The following SLC25A18 variants were observed in gnomAD, a reference collection of about 807,000 sequenced individuals.
SLC25A18 encodes the protein mitochondrial glutamate carrier 2.
A neutral mutation model predicts 31.1 loss-of-function variants in SLC25A18; 24 were observed. The observed-to-expected ratio is 0.77, with a 90% CI of 0.56 to 1.08. The LOEUF is 1.08. SLC25A18 is among the 50% of genes least tolerant of loss of function. The probability of loss-of-function intolerance (pLI) is 0.00; values close to 1 mark genes in which losing one functional copy is unlikely to be tolerated. For synonymous variants in SLC25A18, 173 were observed against 161.9 expected (o/e 1.07, Z -0.52); for missense variants, 371 against 418.5 (o/e 0.89, Z 0.99).
chr22:17,564,834 G>A (rs2056891241), intron 1 of SLC25A18, among the ~76,000 whole-genome samples: 1 of 129,360 alleles, frequency 7.7e-6, no homozygotes, highest in Non-Finnish European at 1.6e-5. Flanking sequence ...TCCAGCCTGG[G>A]GGACAGAGCA....
At chr22:17,575,105 G>T (rs2057200212) in intron 2 of SLC25A18, among the ~76,000 whole-genome samples, 1 of 151,964 alleles carries the variant, frequency 6.6e-6, no homozygotes, top group South Asian at 2.1e-4. Flanking sequence ...ACCTGCCTCG[G>T]CCTCCCACAG....
Position 17,590,428 on chromosome 22 carries a change from C to T in SLC25A18, c.*192C>T. 1.6e-6 allele frequency: 1 copy of T among 612,614 alleles called. No individual in the cohort carries two copies. The highest frequency in any genetic ancestry group is 2.7e-6 in the Non-Finnish European group (1 of 376,190). The allele number at this position is 612,614 out of a possible 1,614,324, so 37.9% of individuals were successfully genotyped here. A position where few individuals can be genotyped will look rare whatever the true frequency, so the allele number is the denominator to read the frequency against. On this transcript the variant is annotated 3_prime_UTR_variant, in exon 11 of 11. Coordinates refer to ENST00000327451, the MANE Select transcript of SLC25A18 (RefSeq NM_031481.3). ...ACAGCCTTCTTCCCCTTCGTGTCTA[C>T]ACTCGTTTTCCTTTGTGGGCACAGC... is the stretch of plus-strand genomic sequence containing the variant.
rs201055223 is a variant in SLC25A18 at position 17,587,995 on chromosome 22, G to A, written c.646G>A (p.Ala216Thr). Reference protein sequence around the residue: ...NLNNLGFNELAGKASFAHSFV... With the variant: ...NLNNLGFNELTGKASFAHSFV... ...TAACAACCTGGGGTTCAACGAGCTC[G>A]CCGGTAAGGCGTCCTTTGCACATTC... The change falls in exon 9 of 11, where the codon GCC becomes ACC. Residue 216 changes from alanine to threonine, a missense_variant. By Grantham distance (58) the Ala-to-Thr change is moderately conservative (BLOSUM62 0). Coordinates refer to ENST00000327451, the MANE Select transcript of SLC25A18 (RefSeq NM_031481.3). The A allele has an allele frequency of 4.4e-4, 709 of 1,614,058 alleles. No homozygotes were observed. The highest frequency in any genetic ancestry group is 5.6e-4 in the Non-Finnish European group (663 of 1,180,040).
chr22:17,583,480 G>A lies in SLC25A18; in HGVS notation c.355G>A (p.Val119Met). The A allele has an allele frequency of 6.2e-7, 1 of 1,614,060 alleles. No individual in the cohort carries two copies. Among genetic ancestry groups the A allele is most frequent in the South Asian group, 1.1e-5 (1 of 91,080 alleles). ...TGGGGCTGGGATGTGCCAGGTCGTGGTGACCTGTCCCATGGAAATGCTCAA... is the reference window on the plus strand; with the variant it reads ...TGGGGCTGGGATGTGCCAGGTCGTGATGACCTGTCCCATGGAAATGCTCAA... ...GCGAGMCQVV[V>M]TCPMEMLKIQ... is the part of the protein sequence containing the mutation. Residue 119 changes from valine to methionine, a missense_variant, in exon 7 of 11, where the codon GTG (valine) becomes ATG (methionine). Physicochemically the swap from Val to Met is conservative, Grantham distance 21. Transcript: ENST00000327451.
intron 2 of SLC25A18, among the ~76,000 whole-genome samples, chr22:17,573,264 A>T (rs2057145466): frequency 6.6e-6 from 1 of 152,174 alleles, no homozygotes; most frequent in South Asian, 2.1e-4. Flanking sequence ...GCCACAGGTT[A>T]GTTCTGGTGG....
intron 2 of SLC25A18, chr22:17,570,373 AGC>A (rs1036611781): frequency 2.0e-5 from 3 of 152,278 alleles, no homozygotes; most frequent in African/African-American, 7.2e-5. Flanking sequence ...TCTACAGTGG[AGC>A]CAGCAGTCTC....
chr22:17,587,746 A>C, intron 8 of SLC25A18, 179 bp from the exon 9 acceptor site: 4 of 695,764 alleles, frequency 5.7e-6, no homozygotes, highest in Middle Eastern at 3.9e-4. Context: ...AACAGATGGC[A>C]ACAGCTCTTT....
At chr22:17,588,624 TG>T (rs2057621657) in intron 9 of SLC25A18, 1 of 152,782 alleles carries the variant, frequency 6.5e-6, no homozygotes, top group African/African-American at 2.4e-5. Flanking sequence ...CACTCCAGCC[TG>T]GGCGACAGCA....
chr22:17,584,449 G>A (rs568125154), intron 7 of SLC25A18, among the ~76,000 whole-genome samples: 1,409 of 99,436 alleles, frequency 0.014, 20 homozygotes, highest in African/African-American at 0.059. Flanking sequence ...GAAGGAAGGA[G>A]AGAGAGAGAG....
Position 17,579,760 on chromosome 22 carries a change from C to A in SLC25A18, c.-185C>A. 1 of 1,404,898 alleles carries A rather than the reference C, an allele frequency of 7.1e-7. No individual in the cohort carries two copies. The highest frequency in any genetic ancestry group is 9.3e-7 in the Non-Finnish European group (1 of 1,080,644). The allele number at this position is 1,404,898 out of a possible 1,614,324, so 87.0% of individuals were successfully genotyped here. A position where few individuals can be genotyped will look rare whatever the true frequency, so the allele number is the denominator to read the frequency against. ...TACTTTGCAGGGGAGGAAGCCGCAGCCCAAGGAGGTCGTCACTTGCCGGGA... is the reference window on the plus strand; with the variant it reads ...TACTTTGCAGGGGAGGAAGCCGCAGACCAAGGAGGTCGTCACTTGCCGGGA... On this transcript the variant is annotated 5_prime_UTR_variant, in exon 3 of 11. Coordinates refer to ENST00000327451, the MANE Select transcript of SLC25A18 (RefSeq NM_031481.3).
chr22:17,574,803 G>A (rs1185096743), intron 2 of SLC25A18, among the ~76,000 whole-genome samples: 1 of 130,356 alleles, frequency 7.7e-6, no homozygotes, highest in African/African-American at 2.9e-5. Flanking sequence ...TCACAGGCGT[G>A]AGCCACTGTG....
intron 7 of SLC25A18, 65 bp from the exon 8 acceptor site, chr22:17,587,071 C>CA: frequency 1.3e-6 from 2 of 1,563,930 alleles, no homozygotes; most frequent in African/African-American, 2.7e-5. Flanking sequence ...TTGAGAGCCA[C>CA]ACTCAGGAGT....
At chr22:17,565,069 TTTTTG>T (rs535176571) in intron 1 of SLC25A18, among the ~76,000 whole-genome samples, 39 of 151,836 alleles carry the variant, frequency 2.6e-4, no homozygotes, top group East Asian at 7.8e-4. Flanking sequence ...ACTCATTCTG[TTTTTG>T]TTTTGTTTTG....
chr22:17,566,709 G>A (rs1407572000), intron 1 of SLC25A18, among the ~76,000 whole-genome samples: 2 of 152,112 alleles, frequency 1.3e-5, no homozygotes, highest in Non-Finnish European at 2.9e-5. Flanking sequence ...ACCGTGCCTG[G>A]CCCAGCCTGT....
rs111385800 is a variant in SLC25A18, at chr22:17,590,415, C to T, written c.*179C>T. ...TAACAAGTTGAGCACAGCCTTCTTC[C>T]CCTTCGTGTCTACACTCGTTTTCCT... On this transcript the variant is annotated 3_prime_UTR_variant, in exon 11 of 11. Coordinates refer to ENST00000327451, the MANE Select transcript of SLC25A18 (RefSeq NM_031481.3). The T allele has an allele frequency of 3.8e-3, 2,572 of 670,968 alleles. 61 individuals are homozygous for T. In the African/African-American group the frequency reaches 0.041, roughly 11 times the overall value. The allele number at this position is 670,968 out of a possible 1,614,324, so 41.6% of individuals were successfully genotyped here. A position where few individuals can be genotyped will look rare whatever the true frequency, so the allele number is the denominator to read the frequency against.
intron 2 of SLC25A18, among the ~76,000 whole-genome samples, chr22:17,573,510 G>A (rs1360335086): frequency 6.6e-6 from 1 of 152,184 alleles, no homozygotes; most frequent in African/African-American, 2.4e-5. Flanking sequence ...GGCACCTGGG[G>A]GCTGGAGGAC....
In SLC25A18 at chr22:17,587,374, T is replaced by C; in HGVS notation, c.575+73T>C. Reference sequence around the variant, plus strand: ...CGAGGGCCAGAGAGCTGGTTGTCCCTATCTGCCTCTGTGTCCTTCCCAGAA... The same window carrying C: ...CGAGGGCCAGAGAGCTGGTTGTCCCCATCTGCCTCTGTGTCCTTCCCAGAA... On this transcript the variant is annotated intron_variant, in intron 8 of 10. Coordinates refer to ENST00000327451, the MANE Select transcript of SLC25A18 (RefSeq NM_031481.3). The C allele has an allele frequency of 2.0e-6, 3 of 1,503,740 alleles. No homozygotes were observed. In the South Asian group the frequency reaches 3.8e-5, roughly 19 times the overall value. 93.1% of individuals were successfully genotyped at this position (1,503,740 alleles called of 1,614,324 possible). A position where few individuals can be genotyped will look rare whatever the true frequency, so the allele number is the denominator to read the frequency against.
intron 2 of SLC25A18, among the ~76,000 whole-genome samples, chr22:17,570,734 C>T (rs780916546): frequency 2.0e-5 from 3 of 152,202 alleles, no homozygotes; most frequent in Non-Finnish European, 4.4e-5. Flanking sequence ...GATCTGCCCG[C>T]CTTGGCCTCC....
In SLC25A18 at chr22:17,589,602, G is replaced by A. The variant is rs757481829; in HGVS notation, c.743G>A (p.Arg248Gln). 11 of 1,613,916 alleles carry A rather than the reference G, an allele frequency of 6.8e-6. No individual in the cohort carries two copies. The highest frequency in any genetic ancestry group is 3.3e-4 in the Middle Eastern group (2 of 6,084). ...TTACTTGATTTAGTTCTGAAAACTC[G>A]AATCCAAACCCTCAAGAAAGGCCTG... is the stretch of plus-strand genomic sequence containing the variant. ...AVTPLDVLKTRIQTLKKGLGE... is the reference protein window; with the variant it reads ...AVTPLDVLKTQIQTLKKGLGE... Residue 248 changes from arginine (R) to glutamine (Q), a missense_variant, in exon 10 of 11, where the codon CGA becomes CAA. Physicochemically the swap from Arg to Gln is conservative, Grantham distance 43 (BLOSUM62 1). Coordinates refer to ENST00000327451, the MANE Select transcript of SLC25A18 (RefSeq NM_031481.3).
Sources: allele counts gnomAD v4.1 joint callset (sites outside exome capture counted in the v4.1 genomes callset), GRCh38; gene constraint gnomAD v4.1.1; transcripts MANE v1.5; gene names NCBI Gene and HGNC (gene_info 2026-07-23, HGNC 2026-07-21).